CEP192: variants seen among roughly 807,000 people sequenced by gnomAD.
The protein encoded by CEP192 is centrosomal protein of 192 kDa.
A neutral mutation model predicts 271.8 loss-of-function variants in CEP192; 151 were observed. The observed-to-expected ratio is 0.56, with a 90% CI of 0.49 to 0.64. The LOEUF is 0.64. CEP192 is among the 30% of genes least tolerant of loss of function. The probability of loss-of-function intolerance (pLI) is 0.00; values close to 1 mark genes in which losing one functional copy is unlikely to be tolerated. For synonymous variants in CEP192, 995 were observed against 1,076.5 expected, an observed-to-expected ratio of 0.92 and a Z score of 1.48; for missense variants, 2,910 against 3,020.5, an observed-to-expected ratio of 0.96 and a Z score of 0.86.
intron 30 of CEP192, among the ~76,000 whole-genome samples, chr18:13,085,942 A>G (rs897250650): frequency 3.9e-5 from 6 of 152,086 alleles, no homozygotes; most frequent in Admixed American, 3.3e-4. Flanking sequence ...AAGAAAGTCA[A>G]TGGTAGCTTG....
chr18:12,998,268 G>A (rs16940002), intron 1 of CEP192, among the ~76,000 whole-genome samples: 37,724 of 152,012 alleles, frequency 0.25, 5,527 homozygotes, highest in East Asian at 0.44. Context: ...CCAACACACC[G>A]TTTCAGACTT....
chr18:13,123,971 C>A (rs369488215), intron 44 of CEP192, among the ~76,000 whole-genome samples: 6 of 152,104 alleles, frequency 3.9e-5, no homozygotes, highest in African/African-American at 1.4e-4. Flanking sequence ...ATTAGCCTGG[C>A]CGACATGGTG....
chr18:13,118,590 C>CT (rs2040534315), intron 44 of CEP192, among the ~76,000 whole-genome samples: 1 of 152,226 alleles, frequency 6.6e-6, no homozygotes, highest in African/African-American at 2.4e-5. Context: ...TCCCAGGAGA[C>CT]TGACCTAAAG....
intron 32 of CEP192, chr18:13,088,759 T>C (rs1416836183): frequency 1.7e-5 from 4 of 237,850 alleles, no homozygotes; most frequent in South Asian, 4.7e-5. Context: ...TTGAGGGTCA[T>C]TGGAATGTTT....
chr18:13,099,148 T>C (rs1197960119), intron 36 of CEP192, among the ~76,000 whole-genome samples: 2 of 123,226 alleles, frequency 1.6e-5, no homozygotes, highest in African/African-American at 6.2e-5. Context: ...CAGCTTCGGC[T>C]CGGCATCAGA....
At chr18:13,070,042 T>C (rs1244065439) in intron 27 of CEP192, among the ~76,000 whole-genome samples, 186 bp downstream of exon 27, 1 of 152,042 alleles carries the variant, frequency 6.6e-6, no homozygotes, top group Non-Finnish European at 1.5e-5. Flanking sequence ...GCACCTGTAG[T>C]TTCAGCTACT....
At chr18:13,075,523 G>A (rs1354330388) in intron 30 of CEP192, among the ~76,000 whole-genome samples, 4 of 152,062 alleles carry the variant, frequency 2.6e-5, no homozygotes, top group Non-Finnish European at 5.9e-5. Context: ...CCGAGATTGC[G>A]CCACTGCACT....
At chr18:13,074,172 A>AT (rs1308913454) in intron 30 of CEP192, among the ~76,000 whole-genome samples, 1 of 152,194 alleles carries the variant, frequency 6.6e-6, no homozygotes, top group Admixed American at 6.5e-5. Flanking sequence ...AGGGGATGTG[A>AT]TAAATTACAA....
chr18:13,081,560 A>T (rs1434347614), intron 30 of CEP192, among the ~76,000 whole-genome samples: 1 of 151,970 alleles, frequency 6.6e-6, no homozygotes, highest in East Asian at 1.9e-4. Context: ...CAGTCTATCA[A>T]TTTTGTTGAT....
At chr18:13,072,662 A>T in intron 28 of CEP192, 93 bp from the exon 29 acceptor site, 1 of 816,524 alleles carries the variant, frequency 1.2e-6, no homozygotes, top group Non-Finnish European at 2.1e-6. Context: ...GTCCATCTCT[A>T]GACATTGTGG....
In CEP192 at chr18:12,995,774, T is replaced by A. The variant is rs2033193134; in HGVS notation, c.-4-3647T>A. Among the ~76,000 whole-genome samples, 3 of 152,316 alleles carry A rather than the reference T, an allele frequency of 2.0e-5. No individual in the cohort carries two copies. The South Asian group carries it at 6.2e-4, about 32-fold the overall frequency. ...GAGGAGGCAAGGCCTGACAGCTAAGTGAACATTTGCACAAAGAACTGAAAG... is the reference window on the plus strand; with the variant it reads ...GAGGAGGCAAGGCCTGACAGCTAAGAGAACATTTGCACAAAGAACTGAAAG... On this transcript the variant is annotated intron_variant, in intron 1 of 44. Coordinates refer to ENST00000506447, the MANE Select transcript of CEP192 (RefSeq NM_032142.4).
At chr18:13,015,768 T>C (rs1354305692) in intron 6 of CEP192, among the ~76,000 whole-genome samples, 1 of 151,394 alleles carries the variant, frequency 6.6e-6, no homozygotes, top group Non-Finnish European at 1.5e-5. Context: ...TTTTTTGAGA[T>C]GGAATCTCGC....
rs2034447430 is a variant in CEP192, at chr18:13,012,969, A to G, written c.467-4A>G. On this transcript the variant is annotated splice_polypyrimidine_tract_variant and splice_region_variant and intron_variant, in intron 4 of 44. Transcript: ENST00000506447. Reference sequence around the variant, plus strand: ...TCTCAGTTTGTTTTTGTTTTCTTACACAGACTCACCTATTGATTTTCATTT... The same window carrying G: ...TCTCAGTTTGTTTTTGTTTTCTTACGCAGACTCACCTATTGATTTTCATTT... 1 of 1,501,216 alleles carries G rather than the reference A, an allele frequency of 6.7e-7. No individual in the cohort carries two copies. Among genetic ancestry groups the G allele is most frequent in the Admixed American group, 2.0e-5 (1 of 49,758 alleles). The allele number at this position is 1,501,216 out of a possible 1,614,324, so 93.0% of individuals were successfully genotyped here.
Position 13,042,299 on chromosome 18 carries a change from G to A in CEP192, c.2032G>A (p.Asp678Asn). 5 of 1,614,052 alleles carry A rather than the reference G, an allele frequency of 3.1e-6. No homozygotes were observed. Among genetic ancestry groups the A allele is most frequent in the East Asian group, 2.2e-5 (1 of 44,862 alleles). Residue 678 changes from aspartate to asparagine, a missense_variant, in exon 15 of 45, where the codon GAT (aspartate) becomes AAT (asparagine). By Grantham distance (23) the Asp-to-Asn change is conservative. Coordinates refer to ENST00000506447, the MANE Select transcript of CEP192 (RefSeq NM_032142.4). ...GAGTACTTCACAAGTGGATGAAAAT[G>A]ATGTGACGTTAACGGCTGATAAAGG... ...VESTSQVDENDVTLTADKGKT... is the reference protein window; with the variant it reads ...VESTSQVDENNVTLTADKGKT...
chr18:13,061,858 C>T (rs1466141458), intron 21 of CEP192, among the ~76,000 whole-genome samples: 4 of 152,312 alleles, frequency 2.6e-5, no homozygotes, highest in South Asian at 2.1e-4. Flanking sequence ...TAACCAGTAA[C>T]GTCTCCAAAC....
Position 13,019,199 on chromosome 18 carries a change from T to C in CEP192, c.1043T>C (p.Leu348Pro), listed in dbSNP as rs1345211828. The C allele has an allele frequency of 2.0e-6, 3 of 1,524,178 alleles. No individual in the cohort carries two copies. Among genetic ancestry groups the C allele is most frequent in the South Asian group, 2.6e-5 (2 of 78,148 alleles). The allele number at this position is 1,524,178 out of a possible 1,614,324, so 94.4% of individuals were successfully genotyped here. A position where few individuals can be genotyped will look rare whatever the true frequency, so the allele number is the denominator to read the frequency against. ...AATTTGAAGGGTATTGTTCCAGATC[T>C]TAACAGTGTAAGTTATGCATTTTTC... is the stretch of plus-strand genomic sequence containing the variant. ...IENLKGIVPD[L>P]NSECASKDVL... The change falls in exon 9 of 45, where the codon CTT (leucine) becomes CCT (proline). Residue 348 changes from leucine to proline, a missense_variant. By Grantham distance (98) the Leu-to-Pro change is moderately conservative. Coordinates refer to ENST00000506447, the MANE Select transcript of CEP192 (RefSeq NM_032142.4).
chr18:13,078,101 A>T (rs534854211), intron 30 of CEP192, among the ~76,000 whole-genome samples: 9 of 152,136 alleles, frequency 5.9e-5, no homozygotes, highest in African/African-American at 2.2e-4. Flanking sequence ...TCACCCCCTG[A>T]CAGGCCCCAG....
intron 21 of CEP192, among the ~76,000 whole-genome samples, chr18:13,060,481 TAAAA>T (rs1840352798): frequency 6.6e-6 from 1 of 152,138 alleles, no homozygotes; most frequent in South Asian, 2.1e-4. Flanking sequence ...ACCAAATTCA[TAAAA>T]GAAATTATAC....
chr18:13,049,431 G>A lies in CEP192; in HGVS notation c.2640G>A (p.Lys880=), dbSNP rs1365697238. 1 of 1,614,124 alleles carries A rather than the reference G, an allele frequency of 6.2e-7. No homozygotes were observed. Among genetic ancestry groups the A allele is most frequent in the South Asian group, 1.1e-5 (1 of 91,074 alleles). The change falls in exon 16 of 45, where the codon AAG becomes AAA. Residue 880 remains lysine (K), a synonymous_variant. Coordinates refer to ENST00000506447, the MANE Select transcript of CEP192 (RefSeq NM_032142.4). ...RENNSAVVDV[K]TCSIDNKLQD... is the part of the protein sequence containing the mutation. ...ATAACAGTGCAGTAGTTGATGTGAA[G>A]ACATGTTCCATTGACAACAAATTAC...
Sources: gnomAD v4.1 joint callset for allele counts (sites outside exome capture counted in the v4.1 genomes callset) on GRCh38, gnomAD v4.1.1 for gene constraint, MANE v1.5 for transcripts, NCBI Gene and HGNC (gene_info 2026-07-23, HGNC 2026-07-21) for gene names.